Variants in PACS2 observed in about 807,000 individuals in gnomAD.
PACS2 encodes PACS1-like protein.
A neutral mutation model predicts 113.0 loss-of-function variants in PACS2; 36 were observed. The ratio of observed to expected loss-of-function variants is 0.32; its 90% confidence interval spans 0.24 to 0.42. The LOEUF (loss-of-function observed/expected upper bound fraction) is 0.42, where lower values mean the gene tolerates loss of function less well. PACS2 is among the 10% of genes least tolerant of loss of function. PACS2 has a pLI of 1.00. For missense variants in PACS2, 1,015 were observed against 1,239.5 expected (o/e 0.82, Z 2.72); for synonymous variants, 589 against 536.1 (o/e 1.10, Z -1.36).
In PACS2 at chr14:105,355,014, GGT is replaced by G. The variant is rs1566934108; in HGVS notation, c.298-36_298-35del. 6.2e-7 allele frequency: 1 copy of G among 1,604,612 alleles called. No individual in the cohort carries two copies. On this transcript the variant is annotated intron_variant, in intron 3 of 24. Coordinates refer to ENST00000447393, the MANE Select transcript of PACS2 (RefSeq NM_001100913.3). This position sits in a 1 kb window ranked among gnomAD's most constrained non-coding sequence, Gnocchi z 4.1. ...AGGCCGTGATGCTGCCTGGGGCCCCGGTGCACCCTCAGCTGCCACTCGCACTT... is the reference window on the plus strand; with the variant it reads ...AGGCCGTGATGCTGCCTGGGGCCCCGGCACCCTCAGCTGCCACTCGCACTT...
chr14:105,382,090 G>T, intron 13 of PACS2, 32 bp downstream of exon 13: 1 of 1,535,084 alleles, frequency 6.5e-7, no homozygotes, highest in Non-Finnish European at 8.8e-7. Context: ...CGCCCAGGAG[G>T]CAGGGCTCGT....
intron 1 of PACS2, among the ~76,000 whole-genome samples, chr14:105,301,965 C>T (rs1319509422): frequency 2.0e-5 from 3 of 152,072 alleles, no homozygotes; most frequent in South Asian, 2.1e-4. Context: ...GGCGAAACCC[C>T]GTCTCCACTA....
intron 24 of PACS2, among the ~76,000 whole-genome samples, chr14:105,394,054 A>AG (rs2081461242): frequency 1.3e-5 from 2 of 150,190 alleles, no homozygotes; most frequent in African/African-American, 5.0e-5. Context: ...AAAAAAAAAA[A>AG]AAGGGGTTTT....
At position 105,315,013 on chromosome 14, in the gene PACS2, G is replaced by A; in HGVS notation, c.95G>A (p.Gly32Asp). The A allele has an allele frequency of 8.1e-7, 1 of 1,240,190 alleles. No homozygotes were observed. Among genetic ancestry groups the A allele is most frequent in the South Asian group, 1.7e-5 (1 of 58,328 alleles). 76.8% of individuals were successfully genotyped at this position (1,240,190 alleles called of 1,614,324 possible). The change falls in exon 1 of 25, where the codon GGC becomes GAC. Residue 32 changes from glycine (G) to aspartate (D), a missense_variant. Physicochemically the swap from Gly to Asp is moderately conservative, Grantham distance 94. This residue lies in a region of PACS2 where 140 missense variants were observed against 135.1 expected (regional missense o/e 1.04). Coordinates refer to ENST00000447393, the MANE Select transcript of PACS2 (RefSeq NM_001100913.3). This position sits in a 1 kb window ranked among gnomAD's most constrained non-coding sequence, Gnocchi z 4.4. ...MNLFATWEVD[G>D]SSPSCVPRLC... Reference sequence around the variant, plus strand: ...CTGTTCGCCACCTGGGAGGTGGACGGCTCCAGCCCCAGCTGCGTGCCCAGG... The same window carrying A: ...CTGTTCGCCACCTGGGAGGTGGACGACTCCAGCCCCAGCTGCGTGCCCAGG...
At chr14:105,349,914 G>A (rs1555403547) in intron 2 of PACS2, among the ~76,000 whole-genome samples, 1 of 148,716 alleles carries the variant, frequency 6.7e-6, no homozygotes, top group Non-Finnish European at 1.5e-5. Flanking sequence ...TTCCAGGAGA[G>A]CGTGGCTAAT....
intron 4 of PACS2, among the ~76,000 whole-genome samples, chr14:105,362,225 T>G (rs201326347): frequency 6.6e-6 from 1 of 150,842 alleles, no homozygotes; most frequent in East Asian, 2.0e-4. Context: ...AAGACCATCC[T>G]GGCTAACACA....
chr14:105,323,284 T>C lies in PACS2; in HGVS notation c.119+8247T>C, dbSNP rs990987925. On this transcript the variant is annotated intron_variant, in intron 1 of 24. Coordinates refer to ENST00000447393, the MANE Select transcript of PACS2 (RefSeq NM_001100913.3). This position sits in a 1 kb window ranked among gnomAD's most constrained non-coding sequence, Gnocchi z 4.1. The stretch of plus-strand genomic sequence containing the variant: ...CTGGAGCAACAATTGGACGTGTTGC[T>C]CTTCCTGCCGGATCCTCCACATCCA... 6.6e-6 allele frequency among the ~76,000 whole-genome samples: 1 copy of C among 152,218 alleles called. No homozygotes were observed. The highest frequency in any genetic ancestry group is 1.5e-5 in the Non-Finnish European group (1 of 68,040).
At chr14:105,363,576 G>A (rs185922118) in intron 4 of PACS2, among the ~76,000 whole-genome samples, 1 of 152,288 alleles carries the variant, frequency 6.6e-6, no homozygotes. Context: ...CTCCGGATGA[G>A]GCTTTGGCTT....
At position 105,376,742 on chromosome 14, in the gene PACS2, C is replaced by T; in HGVS notation, c.802-26C>T. On this transcript the variant is annotated intron_variant, in intron 8 of 24. Coordinates refer to ENST00000447393, the MANE Select transcript of PACS2 (RefSeq NM_001100913.3). This position sits in a 1 kb window ranked among gnomAD's most constrained non-coding sequence, Gnocchi z 4.7. ...GGGCAATGTGGGCTGCTGCAGGGAA[C>T]TCACGCGTGCCTGGCACCCGTGCAG... 6.2e-7 allele frequency: 1 copy of T among 1,608,202 alleles called. No individual in the cohort carries two copies. The highest frequency in any genetic ancestry group is 8.5e-7 in the Non-Finnish European group (1 of 1,176,734).
rs138988217 is a variant in PACS2, at chr14:105,380,172, G to A, written c.1125+18G>A. ...TGGCCCTCGTAAGCAGGCTTGGGCC[G>A]CACCCACCCGTTCCACACATCAGGC... On this transcript the variant is annotated intron_variant, in intron 11 of 24. Transcript: ENST00000447393. The A allele has an allele frequency of 1.1e-4, 169 of 1,543,996 alleles. 4 individuals are homozygous for A. In the Middle Eastern group the frequency reaches 1.2e-3, roughly 11 times the overall value.
At chr14:105,361,803 G>A (rs1185755135) in intron 4 of PACS2, among the ~76,000 whole-genome samples, 4 of 152,154 alleles carry the variant, frequency 2.6e-5, no homozygotes, top group African/African-American at 9.7e-5. Flanking sequence ...TACAAAATTA[G>A]CTGGGTGTGG....
At position 105,314,799 on chromosome 14, in the gene PACS2, C is replaced by T. The variant is rs998963390; in HGVS notation, c.-120C>T. On this transcript the variant is annotated 5_prime_UTR_variant, in exon 1 of 25. Transcript: ENST00000447393. Reference sequence around the variant, plus strand: ...TCCGACGCCGGGGCCCGGCCCGTCCCCTCCGCCGCCCGGCAGCCATGTGAC... The same window carrying T: ...TCCGACGCCGGGGCCCGGCCCGTCCTCTCCGCCGCCCGGCAGCCATGTGAC... The T allele has an allele frequency of 4.0e-6, 1 of 248,686 alleles. No individual in the cohort carries two copies. The highest frequency in any genetic ancestry group is 2.3e-5 in the African/African-American group (1 of 42,660). The allele number at this position is 248,686 out of a possible 1,614,324, so 15.4% of individuals were successfully genotyped here. A position where few individuals can be genotyped will look rare whatever the true frequency, so the allele number is the denominator to read the frequency against.
Position 105,330,048 on chromosome 14 carries a change from C to T in PACS2, c.119+15011C>T, listed in dbSNP as rs1340646391. ...AGAACCAGGAAGGGTTGAGCCAGAGCCTCCGAGAAGCCTGGGGTCCATGTG... is the reference window on the plus strand; with the variant it reads ...AGAACCAGGAAGGGTTGAGCCAGAGTCTCCGAGAAGCCTGGGGTCCATGTG... On this transcript the variant is annotated intron_variant, in intron 1 of 24. Coordinates refer to ENST00000447393, the MANE Select transcript of PACS2 (RefSeq NM_001100913.3). The surrounding 1 kb of genome is among the most constrained non-coding windows in gnomAD (Gnocchi z 6.9). Among the ~76,000 whole-genome samples the T allele has an allele frequency of 6.6e-6, 1 of 152,052 alleles. No homozygotes were observed. The highest frequency in any genetic ancestry group is 1.5e-5 in the Non-Finnish European group (1 of 68,016).
chr14:105,357,466 T>A lies in PACS2; in HGVS notation c.423+2289T>A, dbSNP rs1341818181. Among the ~76,000 whole-genome samples the A allele has an allele frequency of 1.3e-5, 2 of 152,000 alleles. No homozygotes were observed. Among genetic ancestry groups the A allele is most frequent in the Non-Finnish European group, 2.9e-5 (2 of 68,002 alleles). On this transcript the variant is annotated intron_variant, in intron 4 of 24. Coordinates refer to ENST00000447393, the MANE Select transcript of PACS2 (RefSeq NM_001100913.3). The surrounding 1 kb of genome is among the most constrained non-coding windows in gnomAD (Gnocchi z 5.1). The stretch of plus-strand genomic sequence containing the variant: ...CATCTGACTGCTCCTCGCTCTCCCC[T>A]CCAGCATCTCCTCCAGGCCCTCGGG...
At position 105,383,525 on chromosome 14, in the gene PACS2, G is replaced by A. The variant is rs111685412; in HGVS notation, c.1780+12G>A. 4.1e-4 allele frequency: 651 copies of A among 1,574,224 alleles called. 4 individuals are homozygous for A. In the African/African-American group the frequency reaches 7.0e-3, roughly 17 times the overall value. The stretch of plus-strand genomic sequence containing the variant: ...GGTCATCCCACTGGGTGAGCACCAC[G>A]CCGTCCACCTGGGCCTGGGCACAGA... On this transcript the variant is annotated intron_variant, in intron 16 of 24. Coordinates refer to ENST00000447393, the MANE Select transcript of PACS2 (RefSeq NM_001100913.3).
intron 1 of PACS2, among the ~76,000 whole-genome samples, chr14:105,341,644 A>G (rs587662002): frequency 6.6e-6 from 1 of 152,374 alleles, no homozygotes; most frequent in Admixed American, 6.5e-5. Context: ...TAATAAGCAA[A>G]TAACATGTTT....
rs1242119174 is a variant in PACS2 at position 105,394,926 on chromosome 14, G to A, written c.*254G>A. ...AGGACGATGCTGAGCCATGGATCGC[G>A]GAAGGCGTCCTCTGGCCTCAGGAGC... On this transcript the variant is annotated 3_prime_UTR_variant, in exon 25 of 25. Transcript: ENST00000447393. 5.3e-5 allele frequency: 24 copies of A among 449,664 alleles called. No individual in the cohort carries two copies. The highest frequency in any genetic ancestry group is 9.4e-5 in the South Asian group (4 of 42,552). 27.9% of individuals were successfully genotyped at this position (449,664 alleles called of 1,614,324 possible).
At chr14:105,326,282 C>T (rs145189841) in intron 1 of PACS2, among the ~76,000 whole-genome samples, 1 of 152,150 alleles carries the variant, frequency 6.6e-6, no homozygotes, top group African/African-American at 2.4e-5. Flanking sequence ...ACGGGTGGGG[C>T]GGGGGCTCCG....
chr14:105,311,938 G>A (rs587614346), upstream of PACS2, among the ~76,000 whole-genome samples: 38 of 152,328 alleles, frequency 2.5e-4, no homozygotes, highest in South Asian at 2.5e-3. Context: ...CCATAGCATG[G>A]GCTGGGCAGG....
Sources: allele counts gnomAD v4.1 joint callset (sites outside exome capture counted in the v4.1 genomes callset), GRCh38; gene constraint gnomAD v4.1.1; regional missense constraint gnomAD v4.1.1; non-coding constraint Gnocchi (gnomAD v3.1); transcripts MANE v1.5; gene names NCBI Gene and HGNC (gene_info 2026-07-23, HGNC 2026-07-21).